LEKR1: variants seen among roughly 807,000 people sequenced by gnomAD.
LEKR1 encodes the protein leucine, glutamate and lysine rich 1, also known as protein LEKR1.
Under a neutral mutation model 72.4 loss-of-function variants are expected in LEKR1, and 59 were observed. That is an observed-to-expected ratio of 0.82 (90% CI 0.66 to 1.01). The LOEUF (loss-of-function observed/expected upper bound fraction) is 1.01, where lower values mean the gene tolerates loss of function less well. Ranked by LOEUF, LEKR1 falls within the 50% of genes least tolerant of loss-of-function variation. The probability of loss-of-function intolerance (pLI) is 0.00; values close to 1 mark genes in which losing one functional copy is unlikely to be tolerated. For missense variants in LEKR1, 728 were observed against 759.2 expected (o/e 0.96, Z 0.48); for synonymous variants, 257 against 263.2 (o/e 0.98, Z 0.23).
intron 9 of LEKR1, among the ~76,000 whole-genome samples, chr3:157,003,007 C>T (rs1482468818): frequency 6.6e-6 from 1 of 152,154 alleles, no homozygotes; most frequent in African/African-American, 2.4e-5. Context: ...GAAATTCAAG[C>T]ATCTCAAATA....
chr3:157,028,194 C>A lies in LEKR1; in HGVS notation c.1460C>A (p.Thr487Asn). ...CTTCACAAATCCCATATTCGGTACA[C>A]TGAAGAATCTAATTCAAAGGAAAAA... Reference protein sequence around the residue: ...EKLHKSHIRYTEESNSKEKEI... With the variant: ...EKLHKSHIRYNEESNSKEKEI... Residue 487 changes from threonine (T) to asparagine (N), a missense_variant, in exon 12 of 13, where the codon ACT becomes AAT. By Grantham distance (65) the Thr-to-Asn change is moderately conservative (BLOSUM62 0). Transcript: ENST00000356539. 1 of 1,611,600 alleles carries A rather than the reference C, an allele frequency of 6.2e-7. No homozygotes were observed. The highest frequency in any genetic ancestry group is 8.5e-7 in the Non-Finnish European group (1 of 1,178,046).
At chr3:156,885,806 G>A (rs1720000083) in intron 3 of LEKR1, among the ~76,000 whole-genome samples, 1 of 152,234 alleles carries the variant, frequency 6.6e-6, no homozygotes, top group Non-Finnish European at 1.5e-5. Context: ...TCAGGATGTT[G>A]CAGGCAGTGG....
rs762365918 is a variant in LEKR1, at chr3:156,920,739, T to G, written c.383+45T>G. 9 of 1,070,232 alleles carry G rather than the reference T, an allele frequency of 8.4e-6. No homozygotes were observed. In the African/African-American group the frequency reaches 1.5e-4, roughly 18 times the overall value. The allele number at this position is 1,070,232 out of a possible 1,614,324, so 66.3% of individuals were successfully genotyped here. Reference sequence around the variant, plus strand: ...AATTATAAAGATTGAAAAGATATGCTTAATACTAACTTTGTAAATAGCCAA... The same window carrying G: ...AATTATAAAGATTGAAAAGATATGCGTAATACTAACTTTGTAAATAGCCAA... On this transcript the variant is annotated intron_variant, in intron 4 of 12. Coordinates refer to ENST00000356539, the MANE Select transcript of LEKR1 (RefSeq NM_001004316.3).
At chr3:156,836,121 C>T (rs762279766) in intron 2 of LEKR1, among the ~76,000 whole-genome samples, 9 of 152,070 alleles carry the variant, frequency 5.9e-5, no homozygotes, top group Non-Finnish European at 1.2e-4. Flanking sequence ...ACCCCACCCA[C>T]CTTGGCTTCC....
At chr3:156,899,254 ATATATATATATACACACATG>A (rs1264231032) in intron 3 of LEKR1, among the ~76,000 whole-genome samples, 4 of 4,032 alleles carry the variant, frequency 9.9e-4, no homozygotes, top group Non-Finnish European at 1.7e-3. Flanking sequence ...ATATATATAC[ATATATATATATACACACATG>A]TATATATATA....
intron 6 of LEKR1, among the ~76,000 whole-genome samples, chr3:156,971,344 A>T (rs528131686): frequency 3.9e-5 from 6 of 152,324 alleles, no homozygotes; most frequent in African/African-American, 1.4e-4. Context: ...TTAATTCAAG[A>T]TGGATTAAAG....
At chr3:156,877,194 T>C (rs983275753) in intron 3 of LEKR1, among the ~76,000 whole-genome samples, 3 of 152,218 alleles carry the variant, frequency 2.0e-5, no homozygotes, top group Non-Finnish European at 4.4e-5. Context: ...ATCTCTTTGA[T>C]ATTCAGTTGG....
intron 3 of LEKR1, among the ~76,000 whole-genome samples, chr3:156,868,422 A>G (rs1717549448): frequency 6.6e-6 from 1 of 152,144 alleles, no homozygotes; most frequent in Admixed American, 6.6e-5. Flanking sequence ...CCCTCAGAAG[A>G]TGAGGAATGT....
chr3:156,972,287 A>G (rs554379766), intron 6 of LEKR1, among the ~76,000 whole-genome samples: 8 of 152,098 alleles, frequency 5.3e-5, no homozygotes, highest in Non-Finnish European at 8.8e-5. Context: ...TGGGAATTGA[A>G]CAATGAGAAT....
At chr3:156,948,975 T>A (rs1240980387) in intron 6 of LEKR1, among the ~76,000 whole-genome samples, 1 of 151,732 alleles carries the variant, frequency 6.6e-6, no homozygotes, top group East Asian at 1.9e-4. Flanking sequence ...GAGAAGTGTC[T>A]GTTCATGATC....
intron 10 of LEKR1, chr3:157,017,812 G>A (rs1367337706): frequency 6.6e-6 from 1 of 151,928 alleles, no homozygotes; most frequent in Non-Finnish European, 1.5e-5. Flanking sequence ...AGCCGGGCAT[G>A]GTGGCAGGCA....
chr3:156,968,481 C>T (rs1163025494), intron 6 of LEKR1, among the ~76,000 whole-genome samples: 2 of 152,176 alleles, frequency 1.3e-5, no homozygotes, highest in African/African-American at 2.4e-5. Flanking sequence ...CAATCCTAGT[C>T]TCTGATAAAA....
chr3:157,016,593 A>C (rs1733357321), intron 10 of LEKR1, among the ~76,000 whole-genome samples: 1 of 152,144 alleles, frequency 6.6e-6, no homozygotes, highest in Non-Finnish European at 1.5e-5. Flanking sequence ...GAAGTCCTTT[A>C]GTCAGAAGGA....
chr3:156,900,274 T>A (rs910914160), intron 3 of LEKR1, among the ~76,000 whole-genome samples: 2 of 152,174 alleles, frequency 1.3e-5, no homozygotes, highest in Non-Finnish European at 2.9e-5. Flanking sequence ...GTTTAAATAT[T>A]TGTGCTTATA....
intron 12 of LEKR1, among the ~76,000 whole-genome samples, chr3:157,043,883 G>A (rs887499760): frequency 5.9e-5 from 9 of 152,128 alleles, no homozygotes; most frequent in East Asian, 1.9e-4. Context: ...TAAATAAATC[G>A]TATATGTAAA....
chr3:156,978,639 G>T (rs916971806), intron 6 of LEKR1, among the ~76,000 whole-genome samples: 2 of 152,126 alleles, frequency 1.3e-5, no homozygotes, highest in African/African-American at 4.8e-5. Context: ...ACATTCTCCA[G>T]TTAAAGACTC....
intron 3 of LEKR1, among the ~76,000 whole-genome samples, chr3:156,882,261 G>T (rs1366613035): frequency 3.3e-5 from 5 of 151,860 alleles, no homozygotes; most frequent in Non-Finnish European, 5.9e-5. Context: ...ATCTGACGAA[G>T]GGCTAATATC....
chr3:156,874,451 A>T (rs962042068), intron 3 of LEKR1, among the ~76,000 whole-genome samples: 2 of 152,158 alleles, frequency 1.3e-5, no homozygotes, highest in African/African-American at 4.8e-5. Context: ...TTAATAAACT[A>T]GTAGTTCTCC....
chr3:156,862,551 T>C (rs906222803), intron 3 of LEKR1, among the ~76,000 whole-genome samples: 4 of 152,062 alleles, frequency 2.6e-5, no homozygotes, highest in African/African-American at 9.7e-5. Context: ...TACTCATTGC[T>C]TGGTAGGAAT....
Sources: allele counts gnomAD v4.1 joint callset (sites outside exome capture counted in the v4.1 genomes callset), GRCh38; gene constraint gnomAD v4.1.1; transcripts MANE v1.5; gene names NCBI Gene and HGNC (gene_info 2026-07-23, HGNC 2026-07-21).